AGPAT3: variants seen among roughly 807,000 people sequenced by gnomAD.
AGPAT3 encodes the protein 1-acylglycerol-3-phosphate O-acyltransferase 3.
Under a neutral mutation model 47.3 loss-of-function variants are expected in AGPAT3, and 5 were observed. The ratio of observed to expected loss-of-function variants is 0.11; its 90% CI spans 0.06 to 0.22. The LOEUF is 0.22. Among genes scored for constraint, AGPAT3 ranks in the 10% least tolerant of loss-of-function variants. The pLI is 1.00. For synonymous variants in AGPAT3, 212 were observed against 208.3 expected (o/e 1.02, Z -0.15); for missense variants, 315 against 493.0 (o/e 0.64, Z 3.42).
intron 2 of AGPAT3, among the ~76,000 whole-genome samples, chr21:43,904,508 G>A (rs973764207): frequency 6.6e-6 from 1 of 152,178 alleles, no homozygotes; most frequent in Non-Finnish European, 1.5e-5. Context: ...ATCTGTTGCT[G>A]GAGGGTGCTC....
At chr21:43,879,367 AAAAAAATC>A (rs1406770418) in intron 1 of AGPAT3, among the ~76,000 whole-genome samples, 3 of 151,894 alleles carry the variant, frequency 2.0e-5, no homozygotes, top group African/African-American at 7.3e-5. Context: ...AAAAAAAAAA[AAAAAAATC>A]CAACATGCTA....
chr21:43,928,080 G>A (rs1186989944), intron 2 of AGPAT3, among the ~76,000 whole-genome samples: 1 of 152,220 alleles, frequency 6.6e-6, no homozygotes, highest in Admixed American at 6.5e-5. Flanking sequence ...AGCTGAACCA[G>A]CCGGACGCAG....
rs1194632871 is a variant in AGPAT3 at position 43,969,249 on chromosome 21, G to A, written c.480G>A (p.Arg160=). 2 of 1,614,226 alleles carry A rather than the reference G, an allele frequency of 1.2e-6. No individual in the cohort carries two copies. Among genetic ancestry groups the A allele is most frequent in the Admixed American group, 1.7e-5 (1 of 60,022 alleles). ...GGGACACCGTGGTCGAAGGGCTGAG[G>A]CGCCTGTCGGACTACCCCGAGTACA... ...EDRDTVVEGL[R]RLSDYPEYMW... Residue 160 remains arginine (R), a synonymous_variant, in exon 5 of 10, where the codon AGG becomes AGA. Coordinates refer to ENST00000291572, the MANE Select transcript of AGPAT3 (RefSeq NM_020132.5).
At chr21:43,947,610 CGTT>C (rs1829990594) in intron 2 of AGPAT3, among the ~76,000 whole-genome samples, 1 of 152,046 alleles carries the variant, frequency 6.6e-6, no homozygotes, top group Non-Finnish European at 1.5e-5. Flanking sequence ...TCAGGAGTGA[CGTT>C]GTTCTTTCAG....
chr21:43,964,230 C>T (rs2089018062), intron 3 of AGPAT3, among the ~76,000 whole-genome samples: 1 of 150,756 alleles, frequency 6.6e-6, no homozygotes, highest in South Asian at 2.2e-4. Context: ...ACTAAAAATA[C>T]AAAAATTAGC....
intron 1 of AGPAT3, among the ~76,000 whole-genome samples, chr21:43,884,723 T>TCTGGTGCTGGATGCTGGGTGGC (rs1224258862): frequency 6.7e-6 from 1 of 148,882 alleles, no homozygotes; most frequent in Non-Finnish European, 1.5e-5. Flanking sequence ...TGCTGGGTGG[T>TCTGGTGCTGGATGCTGGGTGGC]CTGGTGCTGG....
At chr21:43,917,517 C>T (rs573048547) in intron 2 of AGPAT3, among the ~76,000 whole-genome samples, 2 of 152,312 alleles carry the variant, frequency 1.3e-5, no homozygotes, top group South Asian at 4.1e-4. Flanking sequence ...CAGGTTTAGT[C>T]GCTTGCTGCT....
chr21:43,896,943 GTTTTTTTTTTTTT>G (rs61657564), intron 1 of AGPAT3, among the ~76,000 whole-genome samples: 1 of 42,322 alleles, frequency 2.4e-5, no homozygotes, highest in Non-Finnish European at 4.4e-5. Flanking sequence ...TTGACAGTCC[GTTTTTTTTTTTTT>G]TTTTTTTTTT....
rs1289604022 is a variant in AGPAT3 at position 43,981,430 on chromosome 21, C to T, written c.1042+243C>T. 7.0e-6 allele frequency: 4 copies of T among 573,032 alleles called. No homozygotes were observed. Among genetic ancestry groups the T allele is most frequent in the African/African-American group, 1.9e-5 (1 of 53,350 alleles). The allele number at this position is 573,032 out of a possible 1,614,324, so 35.5% of individuals were successfully genotyped here. On this transcript the variant is annotated intron_variant, in intron 9 of 9. Transcript: ENST00000291572. The surrounding 1 kb of genome is among the most constrained non-coding windows in gnomAD (Gnocchi z 5.3). ...CCTGGCGCCATCCCCACTGCAGCCCCACTGGCTGGCGCCCTTGAGGATGCC... is the reference window on the plus strand; with the variant it reads ...CCTGGCGCCATCCCCACTGCAGCCCTACTGGCTGGCGCCCTTGAGGATGCC...
intron 7 of AGPAT3, among the ~76,000 whole-genome samples, chr21:43,976,188 T>C (rs1601476497): frequency 1.3e-5 from 2 of 152,284 alleles, no homozygotes; most frequent in Admixed American, 1.3e-4. Flanking sequence ...TGTCTCAGCC[T>C]CTCGAGTAGC....
chr21:43,907,542 C>A (rs1030966549), intron 2 of AGPAT3, among the ~76,000 whole-genome samples: 1 of 152,030 alleles, frequency 6.6e-6, no homozygotes, highest in African/African-American at 2.4e-5. Context: ...ACGGTGAAAC[C>A]CCATCTCTAC....
At chr21:43,904,351 G>A (rs1368238600) in intron 2 of AGPAT3, among the ~76,000 whole-genome samples, 1 of 152,182 alleles carries the variant, frequency 6.6e-6, no homozygotes, top group East Asian at 1.9e-4. Flanking sequence ...CAGCGGACAT[G>A]GGAGTCACCT....
intron 1 of AGPAT3, among the ~76,000 whole-genome samples, chr21:43,888,999 CAA>C (rs949413267): frequency 4.7e-5 from 7 of 148,768 alleles, no homozygotes; most frequent in African/African-American, 1.7e-4. Context: ...AAAAAAAAAA[CAA>C]AGTTTCTTAT....
chr21:43,981,951 C>T lies in AGPAT3; in HGVS notation c.1043-353C>T, dbSNP rs192786868. The stretch of plus-strand genomic sequence containing the variant: ...CCTGCTTACATCCGAGGGTCCTGCT[C>T]GTCCACCTCTGTCACCTGTTGGGTT... On this transcript the variant is annotated intron_variant, in intron 9 of 9. Coordinates refer to ENST00000291572, the MANE Select transcript of AGPAT3 (RefSeq NM_020132.5). This position sits in a 1 kb window ranked among gnomAD's most constrained non-coding sequence, Gnocchi z 5.3. 5.3e-5 allele frequency among the ~76,000 whole-genome samples: 8 copies of T among 152,336 alleles called. No homozygotes were observed. The East Asian group carries it at 5.8e-4, about 11-fold the overall frequency.
At chr21:43,893,868 A>G (rs369302317) in intron 1 of AGPAT3, among the ~76,000 whole-genome samples, 1 of 152,264 alleles carries the variant, frequency 6.6e-6, no homozygotes, top group African/African-American at 2.4e-5. Flanking sequence ...CACTGACCAC[A>G]GATCACTGTG....
intron 1 of AGPAT3, among the ~76,000 whole-genome samples, chr21:43,866,324 G>A (rs1030598880): frequency 3.3e-5 from 5 of 152,018 alleles, no homozygotes; most frequent in African/African-American, 4.8e-5. Context: ...CAGACAGAGG[G>A]TGATGAGCAT....
chr21:43,911,105 T>A (rs2086623751), intron 2 of AGPAT3, among the ~76,000 whole-genome samples: 2 of 151,890 alleles, frequency 1.3e-5, no homozygotes, highest in Admixed American at 1.3e-4. Flanking sequence ...ACCGACAGAG[T>A]TTCCAAAAAT....
chr21:43,879,551 T>C (rs2123569553), intron 1 of AGPAT3, among the ~76,000 whole-genome samples: 1 of 152,126 alleles, frequency 6.6e-6, no homozygotes, highest in African/African-American at 2.4e-5. Flanking sequence ...GCTTGGAGGC[T>C]GGGTCGTGGG....
rs1371151640 is a variant in AGPAT3 at position 43,985,126 on chromosome 21, G to T, written c.*2734G>T. 4.4e-6 allele frequency: 2 copies of T among 456,166 alleles called. No homozygotes were observed. Among genetic ancestry groups the T allele is most frequent in the Admixed American group, 4.7e-5 (2 of 42,564 alleles). The allele number at this position is 456,166 out of a possible 1,614,324, so 28.3% of individuals were successfully genotyped here. On this transcript the variant is annotated 3_prime_UTR_variant, in exon 10 of 10. Coordinates refer to ENST00000291572, the MANE Select transcript of AGPAT3 (RefSeq NM_020132.5). Reference sequence around the variant, plus strand: ...CTCCCAGCCTGGGCCGTGGTCTCCTGGGGACGCCGCTGGCCTCCCAGCTTA... The same window carrying T: ...CTCCCAGCCTGGGCCGTGGTCTCCTTGGGACGCCGCTGGCCTCCCAGCTTA...
Sources: gnomAD v4.1 joint callset for allele counts (sites outside exome capture counted in the v4.1 genomes callset) on GRCh38, gnomAD v4.1.1 for gene constraint, Gnocchi (gnomAD v3.1) non-coding constraint, MANE v1.5 for transcripts, NCBI Gene and HGNC (gene_info 2026-07-23, HGNC 2026-07-21) for gene names.